MED12L: variants seen among roughly 807,000 people sequenced by gnomAD.
MED12L encodes the protein mediator complex subunit 12L.
In MED12L, 60 loss-of-function variants were observed where a neutral mutation model predicts 281.3. That is an observed-to-expected ratio of 0.21 (90% CI 0.17 to 0.26). MED12L has a LOEUF of 0.26. Ranked by LOEUF, MED12L falls within the 10% of genes least tolerant of loss-of-function variation. The pLI is 1.00. For synonymous variants in MED12L, 974 were observed against 987.2 expected, an observed-to-expected ratio of 0.99 and a Z score of 0.25; for missense variants, 2,146 against 2,680.9, an observed-to-expected ratio of 0.80 and a Z score of 4.41.
At chr3:151,165,373 G>T (rs755360821) in intron 9 of MED12L, 47 bp from the exon 10 acceptor site, 5 of 1,463,352 alleles carry the variant, frequency 3.4e-6, no homozygotes, top group Non-Finnish European at 4.8e-6. Flanking sequence ...TTAGACATGC[G>T]CTGTGGCATT....
At chr3:151,211,379 T>G (rs1273681510) in intron 16 of MED12L, among the ~76,000 whole-genome samples, 2 of 149,140 alleles carry the variant, frequency 1.3e-5, no homozygotes, top group East Asian at 2.0e-4. Flanking sequence ...TTTTTTTTTT[T>G]GTTTCGTTTT....
At chr3:151,196,673 CTG>C (rs1170190805) in intron 16 of MED12L, among the ~76,000 whole-genome samples, 3 of 152,220 alleles carry the variant, frequency 2.0e-5, no homozygotes, top group Non-Finnish European at 4.4e-5. Flanking sequence ...GTCATTTACA[CTG>C]TGTCAGATGT....
chr3:151,426,579 C>T (rs896382915), intron 43 of MED12L, among the ~76,000 whole-genome samples: 7 of 152,138 alleles, frequency 4.6e-5, no homozygotes, highest in African/African-American at 1.7e-4. Context: ...TACTTCTGGT[C>T]AGTTTAAGGA....
rs1438549988 is a variant in MED12L at position 151,398,038 on chromosome 3, T to A, written c.5820+3171T>A. Reference sequence around the variant, plus strand: ...TCAGACACTGGGCTGTATACTATTTTGTATTATCCTTTCATCTGCTAAGCA... The same window carrying A: ...TCAGACACTGGGCTGTATACTATTTAGTATTATCCTTTCATCTGCTAAGCA... On this transcript the variant is annotated intron_variant, in intron 39 of 44. Transcript: ENST00000687756. 3.3e-5 allele frequency among the ~76,000 whole-genome samples: 5 copies of A among 152,214 alleles called. No homozygotes were observed. The East Asian group carries it at 9.6e-4, about 29-fold the overall frequency.
intron 16 of MED12L, chr3:151,294,132 A>G (rs1408561157): frequency 8.3e-7 from 1 of 1,210,532 alleles, no homozygotes; most frequent in Non-Finnish European, 1.2e-6. Context: ...ATTTATTTAC[A>G]CTTTGTACAT....
intron 36 of MED12L, among the ~76,000 whole-genome samples, chr3:151,386,957 G>C (rs1323392615): frequency 6.6e-6 from 1 of 152,164 alleles, no homozygotes; most frequent in East Asian, 1.9e-4. Flanking sequence ...GATCCCACCC[G>C]CCTCAGCCTC....
At chr3:151,184,341 T>C (rs1158465991) in intron 11 of MED12L, among the ~76,000 whole-genome samples, 1 of 152,240 alleles carries the variant, frequency 6.6e-6, no homozygotes, top group East Asian at 1.9e-4. Context: ...TGTATGTATG[T>C]TCTTCCATGG....
At chr3:151,396,751 C>G (rs907849144) in intron 39 of MED12L, among the ~76,000 whole-genome samples, 2 of 152,204 alleles carry the variant, frequency 1.3e-5, no homozygotes, top group African/African-American at 4.8e-5. Context: ...CAAACTGTTA[C>G]TGCCAAATTA....
intron 5 of MED12L, among the ~76,000 whole-genome samples, chr3:151,141,181 T>TTTTTG (rs1475727705): frequency 0.02 from 2,495 of 124,378 alleles, 58 homozygotes; most frequent in Non-Finnish European, 0.029. Flanking sequence ...TTTTTTTGTT[T>TTTTTG]TTTTTGTTTT....
intron 5 of MED12L, among the ~76,000 whole-genome samples, chr3:151,142,047 T>C (rs1460877709): frequency 6.6e-6 from 1 of 152,242 alleles, no homozygotes; most frequent in South Asian, 2.1e-4. Flanking sequence ...GATAGTATAC[T>C]ACAAAATAAG....
chr3:151,279,171 AGAC>A (rs1742404700), intron 16 of MED12L, among the ~76,000 whole-genome samples: 1 of 152,250 alleles, frequency 6.6e-6, no homozygotes, highest in Non-Finnish European at 1.5e-5. Flanking sequence ...GAAAGAAAGA[AGAC>A]AAGGGGCTGA....
In MED12L at chr3:151,411,555, C is replaced by T. The variant is rs761686635; in HGVS notation, c.6140+48C>T. The T allele has an allele frequency of 2.3e-5, 36 of 1,541,510 alleles. No individual in the cohort carries two copies. The South Asian group carries it at 2.9e-4, about 12-fold the overall frequency. On this transcript the variant is annotated intron_variant, in intron 41 of 44. Coordinates refer to ENST00000687756, the MANE Select transcript of MED12L (RefSeq NM_001393769.1). ...TGGCAATAATGAACAGTCACATTCT[C>T]GGGTTTCTTATGCTTCTTATAGGGC... is the stretch of plus-strand genomic sequence containing the variant.
At chr3:151,322,309 C>T (rs1004547591) in intron 16 of MED12L, among the ~76,000 whole-genome samples, 2 of 152,140 alleles carry the variant, frequency 1.3e-5, no homozygotes, top group Admixed American at 6.5e-5. Flanking sequence ...CTTTTGCCTC[C>T]CGAGTTGCTG....
At chr3:151,348,340 CAAAAAAAAAAAAAAA>C (rs11382065) in intron 16 of MED12L, among the ~76,000 whole-genome samples, 1 of 87,804 alleles carries the variant, frequency 1.1e-5, no homozygotes, top group Admixed American at 1.4e-4. Flanking sequence ...ACCACCAGAC[CAAAAAAAAAAAAAAA>C]AAAAAAAAGA....
At position 151,316,315 on chromosome 3, in the gene MED12L, GT is replaced by G. The variant is rs779369277; in HGVS notation, c.2251-33741del. 2.6e-5 allele frequency: 4 copies of G among 152,102 alleles called. No homozygotes were observed. The South Asian group carries it at 8.3e-4, about 32-fold the overall frequency. The allele number at this position is 152,102 out of a possible 1,614,324, so 9.4% of individuals were successfully genotyped here. ...TTACTCATCTAATAAAGTAAATGTGGTTTAAAAAAAAATGTACTAAATAGGA... is the reference window on the plus strand; with the variant it reads ...TTACTCATCTAATAAAGTAAATGTGGTTAAAAAAAAATGTACTAAATAGGA... On this transcript the variant is annotated intron_variant, in intron 16 of 44. Coordinates refer to ENST00000687756, the MANE Select transcript of MED12L (RefSeq NM_001393769.1).
chr3:151,120,481 A>G (rs1229434737), intron 3 of MED12L, among the ~76,000 whole-genome samples: 2 of 152,228 alleles, frequency 1.3e-5, no homozygotes, highest in African/African-American at 4.8e-5. Flanking sequence ...AATGCTGTAA[A>G]TGTCCATTAA....
chr3:151,215,958 T>C (rs1728135832), intron 16 of MED12L, among the ~76,000 whole-genome samples: 1 of 152,264 alleles, frequency 6.6e-6, no homozygotes, highest in Non-Finnish European at 1.5e-5. Context: ...CTAACTTCTC[T>C]TTATCCTCAA....
At chr3:151,346,970 C>T (rs1193543203) in intron 16 of MED12L, among the ~76,000 whole-genome samples, 1 of 152,032 alleles carries the variant, frequency 6.6e-6, no homozygotes, top group Non-Finnish European at 1.5e-5. Flanking sequence ...GTAATATAAA[C>T]AATACTATTT....
chr3:151,212,818 CTT>C (rs1727397268), intron 16 of MED12L: 1 of 151,866 alleles, frequency 6.6e-6, no homozygotes, highest in African/African-American at 2.4e-5. Flanking sequence ...AAAAACCTGA[CTT>C]TTTATTGCAA....
Sources: gnomAD v4.1 joint callset for allele counts (sites outside exome capture counted in the v4.1 genomes callset) on GRCh38, gnomAD v4.1.1 for gene constraint, MANE v1.5 for transcripts, NCBI Gene and HGNC (gene_info 2026-07-23, HGNC 2026-07-21) for gene names.